Variants in ARHGAP44 observed in about 807,000 individuals in gnomAD.
ARHGAP44 encodes the protein rho GTPase-activating protein 44.
ARHGAP44 carries 43 observed loss-of-function variants against 106.8 expected under a neutral mutation model. The ratio of observed to expected loss-of-function variants is 0.40; its 90% CI spans 0.32 to 0.52. ARHGAP44 has a LOEUF of 0.52. ARHGAP44 is among the 20% of genes least tolerant of loss of function. The probability of loss-of-function intolerance (pLI) is 0.48; values close to 1 mark genes in which losing one functional copy is unlikely to be tolerated. For missense variants in ARHGAP44, 866 were observed against 1,050.5 expected, an observed-to-expected ratio of 0.82 and a Z score of 2.43; for synonymous variants, 439 against 410.3, an observed-to-expected ratio of 1.07 and a Z score of -0.85.
chr17:12,863,262 T>C (rs1046073875), intron 1 of ARHGAP44, among the ~76,000 whole-genome samples: 11 of 152,188 alleles, frequency 7.2e-5, no homozygotes, highest in Admixed American at 1.3e-4. Flanking sequence ...CACTGGAGAA[T>C]AGACTGCTTG....
intron 1 of ARHGAP44, among the ~76,000 whole-genome samples, chr17:12,879,681 G>A (rs1269415351): frequency 9.0e-6 from 1 of 111,388 alleles, no homozygotes; most frequent in African/African-American, 2.8e-5. Flanking sequence ...GTGTGTGTAT[G>A]TGTATATATA....
Position 12,789,668 on chromosome 17 carries a change from C to T in ARHGAP44, c.-171C>T. 1 of 408,748 alleles carries T rather than the reference C, an allele frequency of 2.4e-6. No homozygotes were observed. Among genetic ancestry groups the T allele is most frequent in the East Asian group, 4.1e-5 (1 of 24,600 alleles). The allele number at this position is 408,748 out of a possible 1,614,324, so 25.3% of individuals were successfully genotyped here. ...GAGGCGGCGCGGCGGGAGGAGTAGGCGGCGGCGCCCTCGGGAGGGAGCTGC... is the reference window on the plus strand; with the variant it reads ...GAGGCGGCGCGGCGGGAGGAGTAGGTGGCGGCGCCCTCGGGAGGGAGCTGC... On this transcript the variant is annotated 5_prime_UTR_variant, in exon 1 of 21. Coordinates refer to ENST00000379672, the MANE Select transcript of ARHGAP44 (RefSeq NM_014859.6).
At chr17:12,989,101 C>CCCAAAAAAAAAAAAAAA (rs1598173210) in intron 20 of ARHGAP44, among the ~76,000 whole-genome samples, 1 of 45,158 alleles carries the variant, frequency 2.2e-5, no homozygotes, top group Non-Finnish European at 4.0e-5. Flanking sequence ...CCACCCCCCC[C>CCCAAAAAAAAAAAAAAA]AAAAAAAAAA....
intron 6 of ARHGAP44, among the ~76,000 whole-genome samples, chr17:12,922,635 T>C (rs1028442142): frequency 6.6e-6 from 1 of 152,192 alleles, no homozygotes; most frequent in African/African-American, 2.4e-5. Context: ...AACCATGTCA[T>C]TACCATACAT....
chr17:12,907,811 GTTAC>G (rs1327076777), intron 3 of ARHGAP44, among the ~76,000 whole-genome samples: 1 of 152,062 alleles, frequency 6.6e-6, no homozygotes, highest in Non-Finnish European at 1.5e-5. Flanking sequence ...TCTGTTTTCA[GTTAC>G]TTTGGATATA....
rs111785464 is a variant in ARHGAP44 at position 12,842,148 on chromosome 17, TA to T, written c.53+52271del. Among the ~76,000 whole-genome samples the T allele has an allele frequency of 9.4e-3, 1,331 of 141,966 alleles. 3 individuals are homozygous for T. The highest frequency in any genetic ancestry group is 0.017 in the South Asian group (78 of 4,470). 93.1% of individuals were successfully genotyped at this position (141,966 alleles called of 152,430 possible). On this transcript the variant is annotated intron_variant, in intron 1 of 20. Transcript: ENST00000379672. The stretch of plus-strand genomic sequence containing the variant: ...CTGCGACACACCTGGCCACTGGGTT[TA>T]AAAAAAAAAAAAAGTCTTTCCAGGG...
chr17:12,904,697 A>G (rs2037494587), intron 3 of ARHGAP44, among the ~76,000 whole-genome samples: 1 of 152,240 alleles, frequency 6.6e-6, no homozygotes, highest in Non-Finnish European at 1.5e-5. Context: ...AGTGGTGTGT[A>G]TATTTAGTAT....
At chr17:12,876,473 A>G (rs2036559076) in intron 1 of ARHGAP44, among the ~76,000 whole-genome samples, 2 of 152,158 alleles carry the variant, frequency 1.3e-5, no homozygotes, top group South Asian at 4.1e-4. Flanking sequence ...CTGCGTACAC[A>G]TTAAAATAGT....
chr17:12,956,084 A>G, intron 14 of ARHGAP44, 104 bp downstream of exon 14: 1 of 761,788 alleles, frequency 1.3e-6, no homozygotes, highest in Non-Finnish European at 2.2e-6. Flanking sequence ...AGCCTCATGT[A>G]TTTTCCAAAC....
intron 1 of ARHGAP44, among the ~76,000 whole-genome samples, chr17:12,881,943 C>CAAAG (rs2036750514): frequency 2.0e-5 from 3 of 152,122 alleles, no homozygotes; most frequent in African/African-American, 7.2e-5. Flanking sequence ...TTCAGTGATC[C>CAAAG]TCCTGCCTCA....
At chr17:12,903,125 AGGAGAGAGAGAGAGAGTGT>A (rs1567677730) in intron 3 of ARHGAP44, among the ~76,000 whole-genome samples, 153 of 72,716 alleles carry the variant, frequency 2.1e-3, no homozygotes, top group African/African-American at 8.6e-3. Context: ...AGAGAGAGAG[AGGAGAGAGAGAGAGAGTGT>A]GTGTGTGTGT....
intron 1 of ARHGAP44, among the ~76,000 whole-genome samples, chr17:12,862,552 C>A (rs1367810330): frequency 6.6e-6 from 1 of 152,206 alleles, no homozygotes. Flanking sequence ...AATTCTGCTT[C>A]TTTCTTTCCC....
At chr17:12,986,837 C>A in intron 20 of ARHGAP44, 1 of 396,756 alleles carries the variant, frequency 2.5e-6, no homozygotes, top group Non-Finnish European at 4.5e-6. Context: ...GCTCATGTTC[C>A]ATCTTGCAGG....
intron 1 of ARHGAP44, among the ~76,000 whole-genome samples, chr17:12,827,070 G>A (rs565153568): frequency 6.6e-6 from 1 of 152,178 alleles, no homozygotes; most frequent in South Asian, 2.1e-4. Context: ...TCAGTACAGA[G>A]GATTAAGTTA....
At chr17:12,869,378 A>C (rs571080338) in intron 1 of ARHGAP44, among the ~76,000 whole-genome samples, 2 of 151,638 alleles carry the variant, frequency 1.3e-5, no homozygotes, top group South Asian at 2.1e-4. Context: ...TTTGTTCATA[A>C]ATTTATAACA....
At position 12,916,007 on chromosome 17, in the gene ARHGAP44, C is replaced by T. The variant is rs541594367; in HGVS notation, c.383C>T (p.Ala128Val). ...RDVIEPLFLLAEVEIPNIQKQ... is the reference protein window; with the variant it reads ...RDVIEPLFLLVEVEIPNIQKQ... ...GTGATTGAGCCCCTGTTTTTGCTGG[C>T]GGAGGTAAGCAGCAGGAGTGAGGCC... The change falls in exon 5 of 21, where the codon GCG becomes GTG. Residue 128 changes from alanine to valine, a missense_variant. Physicochemically the swap from Ala to Val is moderately conservative, Grantham distance 64. Transcript: ENST00000379672. The T allele has an allele frequency of 2.9e-5, 46 of 1,613,516 alleles. No individual in the cohort carries two copies. Among genetic ancestry groups the T allele is most frequent in the Non-Finnish European group, 3.6e-5 (42 of 1,179,662 alleles).
chr17:12,953,052 TG>T, intron 13 of ARHGAP44, among the ~76,000 whole-genome samples: 1 of 152,140 alleles, frequency 6.6e-6, no homozygotes. Context: ...CTTAAGATAT[TG>T]GGGATTTGTG....
chr17:12,973,061 A>G (rs549434604), intron 16 of ARHGAP44: 108 of 449,150 alleles, frequency 2.4e-4, no homozygotes, highest in South Asian at 2.7e-4. Flanking sequence ...TGCCACACCA[A>G]TATCAACTCT....
In ARHGAP44 at chr17:12,818,335, G is replaced by GAAAAAA. The variant is rs376432420; in HGVS notation, c.53+28457_53+28462dup. On this transcript the variant is annotated intron_variant, in intron 1 of 20. Coordinates refer to ENST00000379672, the MANE Select transcript of ARHGAP44 (RefSeq NM_014859.6). Reference sequence around the variant, plus strand: ...AAACTGGTAAGGTGCATCTGGAAAAGAAAAAAAAAAAAAAAAAACAACCCT... The same window carrying GAAAAAA: ...AAACTGGTAAGGTGCATCTGGAAAAGAAAAAAAAAAAAAAAAAAAAAAAACAACCCT... Among the ~76,000 whole-genome samples, 92 of 91,640 alleles carry GAAAAAA rather than the reference G, an allele frequency of 1.0e-3. 4 individuals carry two copies. The highest frequency in any genetic ancestry group is 1.2e-3 in the East Asian group (4 of 3,386). 60.1% of individuals were successfully genotyped at this position (91,640 alleles called of 152,430 possible). A position where few individuals can be genotyped will look rare whatever the true frequency, so the allele number is the denominator to read the frequency against.
Sources: allele counts gnomAD v4.1 joint callset (sites outside exome capture counted in the v4.1 genomes callset), GRCh38; gene constraint gnomAD v4.1.1; transcripts MANE v1.5; gene names NCBI Gene and HGNC (gene_info 2026-07-23, HGNC 2026-07-21).